The following PTPRR variants were observed in gnomAD, a reference collection of about 807,000 sequenced individuals.
The protein encoded by PTPRR is receptor-type tyrosine-protein phosphatase R.
PTPRR carries 38 observed loss-of-function variants against 77.2 expected under a neutral mutation model. That is an observed-to-expected ratio of 0.49 (90% CI 0.38 to 0.65). The LOEUF (loss-of-function observed/expected upper bound fraction) is 0.65, where lower values mean the gene tolerates loss of function less well. Among genes scored for constraint, PTPRR ranks in the 30% least tolerant of loss-of-function variants. The probability of loss-of-function intolerance (pLI) is 0.00; values close to 1 mark genes in which losing one functional copy is unlikely to be tolerated. For synonymous variants in PTPRR, 299 were observed against 283.1 expected (o/e 1.06, Z -0.57); for missense variants, 744 against 799.2 (o/e 0.93, Z 0.83).
chr12:70,664,049 G>A (rs534609545), intron 10 of PTPRR, among the ~76,000 whole-genome samples: 3 of 152,172 alleles, frequency 2.0e-5, no homozygotes, highest in Non-Finnish European at 4.4e-5. Context: ...AGCGAAGGAA[G>A]TCACTTCACC....
chr12:70,755,652 T>A (rs1007991094), intron 4 of PTPRR, among the ~76,000 whole-genome samples: 4 of 152,186 alleles, frequency 2.6e-5, no homozygotes, highest in Non-Finnish European at 4.4e-5. Context: ...TAGAATAGTA[T>A]CTGGCCTACT....
At chr12:70,735,775 C>T in intron 6 of PTPRR, among the ~76,000 whole-genome samples, 1 of 152,118 alleles carries the variant, frequency 6.6e-6, no homozygotes, top group East Asian at 1.9e-4. Context: ...GCAAGATGGG[C>T]ATAGAAATAC....
At chr12:70,781,714 A>T (rs926454236) in intron 2 of PTPRR, among the ~76,000 whole-genome samples, 1 of 152,168 alleles carries the variant, frequency 6.6e-6, no homozygotes, top group South Asian at 2.1e-4. Context: ...AATAGGCAGA[A>T]CACGAAGACC....
chr12:70,816,780 T>C (rs989293988), intron 2 of PTPRR, among the ~76,000 whole-genome samples: 1 of 152,026 alleles, frequency 6.6e-6, no homozygotes, highest in Non-Finnish European at 1.5e-5. Context: ...AAAAACAGTA[T>C]TTATTTAAAA....
chr12:70,820,501 T>A (rs1373557512), intron 2 of PTPRR, among the ~76,000 whole-genome samples: 1 of 152,122 alleles, frequency 6.6e-6, no homozygotes. Context: ...GCCTGGCTAA[T>A]TTTTTGTATT....
chr12:70,809,266 G>A (rs1352659919), intron 2 of PTPRR, among the ~76,000 whole-genome samples: 5 of 152,134 alleles, frequency 3.3e-5, no homozygotes, highest in Admixed American at 1.3e-4. Flanking sequence ...GCAACCATGA[G>A]GTAGAAAGTA....
At chr12:70,646,539 G>A (rs1281304294) in intron 13 of PTPRR, among the ~76,000 whole-genome samples, 3 of 152,102 alleles carry the variant, frequency 2.0e-5, no homozygotes, top group African/African-American at 7.2e-5. Flanking sequence ...AAGCTAGGAA[G>A]AAGGAAAATG....
rs569614523 is a variant in PTPRR, at chr12:70,668,400, A to T, written c.1498-5795T>A. 3.9e-5 allele frequency among the ~76,000 whole-genome samples: 6 copies of T among 152,260 alleles called. No homozygotes were observed. In the South Asian group the frequency reaches 1.2e-3, roughly 32 times the overall value. ...GTTTACAAATATGTTTACTATAAAG[A>T]TTAATTTTCAAGCACACTGTTAGTG... is the stretch of plus-strand genomic sequence containing the variant. On this transcript the variant is annotated intron_variant, in intron 10 of 13. Transcript: ENST00000283228.
intron 6 of PTPRR, among the ~76,000 whole-genome samples, chr12:70,710,217 GA>G (rs766295459): frequency 3.9e-5 from 6 of 152,066 alleles, no homozygotes; most frequent in Non-Finnish European, 7.4e-5. Context: ...GAGACCAATG[GA>G]ACAGAATAGA....
chr12:70,845,667 T>C (rs1008954180), intron 2 of PTPRR, among the ~76,000 whole-genome samples: 2 of 152,188 alleles, frequency 1.3e-5, no homozygotes, highest in Non-Finnish European at 2.9e-5. Flanking sequence ...TAAGTCTTCA[T>C]TGGATAAAAT....
chr12:70,769,709 C>G (rs1194634021), intron 2 of PTPRR, among the ~76,000 whole-genome samples: 1 of 151,888 alleles, frequency 6.6e-6, no homozygotes, highest in Non-Finnish European at 1.5e-5. Flanking sequence ...CAAGTCAATC[C>G]TAAGCCAAAA....
chr12:70,831,719 A>G (rs80234934), intron 2 of PTPRR, among the ~76,000 whole-genome samples: 3 of 152,212 alleles, frequency 2.0e-5, no homozygotes, highest in Non-Finnish European at 2.9e-5. Flanking sequence ...GCTCACCTGC[A>G]TGTAGCCACA....
chr12:70,807,352 A>T (rs1056227830), intron 2 of PTPRR, among the ~76,000 whole-genome samples: 1 of 152,192 alleles, frequency 6.6e-6, no homozygotes. Context: ...ATTTCTAATA[A>T]ATGTAATCTA....
intron 6 of PTPRR, among the ~76,000 whole-genome samples, chr12:70,713,796 C>G (rs1481953765): frequency 6.6e-6 from 1 of 152,070 alleles, no homozygotes; most frequent in African/African-American, 2.4e-5. Flanking sequence ...ACACTAGACC[C>G]TTATTACATA....
rs543285592 is a variant in PTPRR at position 70,752,959 on chromosome 12, T to G, written c.738+1232A>C. Among the ~76,000 whole-genome samples, 4 of 152,342 alleles carry G rather than the reference T, an allele frequency of 2.6e-5. No individual in the cohort carries two copies. In the East Asian group the frequency reaches 5.8e-4, roughly 22 times the overall value. On this transcript the variant is annotated intron_variant, in intron 5 of 13. Coordinates refer to ENST00000283228, the MANE Select transcript of PTPRR (RefSeq NM_002849.4). ...TTCTTTCCTCTTAATCTCTGCCATG[T>G]GAAATATAAAAATCAGTTTTTACTC...
Position 70,649,251 on chromosome 12 carries a change from C to T in PTPRR, c.1880+7453G>A, listed in dbSNP as rs574278073. Among the ~76,000 whole-genome samples, 5 of 152,256 alleles carry T rather than the reference C, an allele frequency of 3.3e-5. 1 individual carries two copies. The South Asian group carries it at 1.0e-3, about 32-fold the overall frequency. On this transcript the variant is annotated intron_variant, in intron 13 of 13. Coordinates refer to ENST00000283228, the MANE Select transcript of PTPRR (RefSeq NM_002849.4). ...ATTTTAATCCTATCCAGTGTTCAAGCTCTTGACTGATCGGTCATGAAATGA... is the reference window on the plus strand; with the variant it reads ...ATTTTAATCCTATCCAGTGTTCAAGTTCTTGACTGATCGGTCATGAAATGA...
Position 70,728,322 on chromosome 12 carries a change from A to G in PTPRR, c.1007+17496T>C, listed in dbSNP as rs573285285. 2.5e-4 allele frequency among the ~76,000 whole-genome samples: 32 copies of G among 128,004 alleles called. No homozygotes were observed. In the South Asian group the frequency reaches 7.5e-3, roughly 30 times the overall value. 84.0% of individuals were successfully genotyped at this position (128,004 alleles called of 152,430 possible). On this transcript the variant is annotated intron_variant, in intron 6 of 13. Coordinates refer to ENST00000283228, the MANE Select transcript of PTPRR (RefSeq NM_002849.4). ...TCTCTCTCTCTCTCTCTGTCTCTAG[A>G]TATATATATATGGCAAATATTCCAA...
chr12:70,900,030 C>T (rs755403976), intron 1 of PTPRR, among the ~76,000 whole-genome samples: 31 of 151,324 alleles, frequency 2.0e-4, no homozygotes, highest in Non-Finnish European at 3.0e-4. Context: ...AAATCAGAGA[C>T]GACCTAAATA....
intron 2 of PTPRR, among the ~76,000 whole-genome samples, chr12:70,890,567 A>G (rs951909885): frequency 6.6e-6 from 1 of 152,114 alleles, no homozygotes; most frequent in Non-Finnish European, 1.5e-5. Context: ...AGTTACATAT[A>G]AAGTTTAGAG....
Sources: allele counts gnomAD v4.1 joint callset (sites outside exome capture counted in the v4.1 genomes callset), GRCh38; gene constraint gnomAD v4.1.1; transcripts MANE v1.5; gene names NCBI Gene and HGNC (gene_info 2026-07-23, HGNC 2026-07-21).